CEACAM8: variants seen among roughly 807,000 people sequenced by gnomAD.
CEACAM8 encodes the protein CEA cell adhesion molecule 8.
CEACAM8 carries 31 observed loss-of-function variants against 33.4 expected under a neutral mutation model. That is an observed-to-expected ratio of 0.93 (90% CI 0.70 to 1.25). CEACAM8 has a LOEUF of 1.25. CEACAM8 is among the 50% of genes most tolerant of loss of function. The pLI, the probability that CEACAM8 is intolerant of heterozygous loss-of-function variation, is 0.00. For missense variants in CEACAM8, 388 were observed against 434.6 expected (o/e 0.89, Z 0.95); for synonymous variants, 138 against 164.5 (o/e 0.84, Z 1.23).
intron 2 of CEACAM8, among the ~76,000 whole-genome samples, chr19:42,592,427 ACT>A (rs45612446): frequency 0.057 from 8,574 of 151,660 alleles, 794 homozygotes; most frequent in African/African-American, 0.19. Context: ...ACATGGTAAA[ACT>A]CTGTCTCTAA....
chr19:42,583,094 A>G (rs1283035671), intron 5 of CEACAM8, 112 bp downstream of exon 5: 12 of 642,354 alleles, frequency 1.9e-5, no homozygotes, highest in Non-Finnish European at 3.1e-5. Context: ...TAGTGCTGAG[A>G]AGCAGGAGTT....
At chr19:42,591,666 G>A (rs943807273) in intron 2 of CEACAM8, among the ~76,000 whole-genome samples, 6 of 152,186 alleles carry the variant, frequency 3.9e-5, no homozygotes, top group African/African-American at 1.4e-4. Flanking sequence ...AGTGGCTCAT[G>A]CGTCTCCCCA....
intron 4 of CEACAM8, among the ~76,000 whole-genome samples, chr19:42,584,755 A>G (rs1261663514): frequency 6.6e-6 from 1 of 152,226 alleles, no homozygotes; most frequent in African/African-American, 2.4e-5. Context: ...AAGAAGAAAC[A>G]TCTCAAATCA....
At chr19:42,584,638 C>G (rs2042305296) in intron 4 of CEACAM8, among the ~76,000 whole-genome samples, 1 of 152,192 alleles carries the variant, frequency 6.6e-6, no homozygotes, top group African/African-American at 2.4e-5. Context: ...TAAAACAATG[C>G]TATGAAGCAA....
At chr19:42,583,396 C>T in intron 4 of CEACAM8, 59 bp from the exon 5 acceptor site, 1 of 1,102,792 alleles carries the variant, frequency 9.1e-7, no homozygotes, top group Non-Finnish European at 1.4e-6. Flanking sequence ...CAGTGGGGTA[C>T]CCCAGGAACC....
Position 42,588,765 on chromosome 19 carries a change from G to A in CEACAM8, c.958+19C>T, listed in dbSNP as rs765068616. 5.6e-6 allele frequency: 9 copies of A among 1,613,058 alleles called. No individual in the cohort carries two copies. The highest frequency in any genetic ancestry group is 1.3e-5 in the African/African-American group (1 of 74,880). On this transcript the variant is annotated intron_variant, in intron 4 of 5. Transcript: ENST00000244336. ...CTCTACCAGAAAACATACTGCCAGT[G>A]CTCCAGGGATCCACTTACCAGAGAC...
At chr19:42,582,661 C>T (rs1044570891) in intron 5 of CEACAM8, among the ~76,000 whole-genome samples, 8 of 151,834 alleles carry the variant, frequency 5.3e-5, no homozygotes, top group Non-Finnish European at 1.0e-4. Context: ...GGGGTAGATG[C>T]GCAGGGAAGT....
chr19:42,581,697 C>G (rs1391129836), intron 5 of CEACAM8, among the ~76,000 whole-genome samples: 1 of 151,162 alleles, frequency 6.6e-6, no homozygotes, highest in African/African-American at 2.4e-5. Flanking sequence ...CGAGACCAGC[C>G]TGACCAACAT....
chr19:42,594,899 G>A lies in CEACAM8; in HGVS notation c.-71C>T. ...ATCCAGAAACTTTCTGAGCACGGCT[G>A]TCAGCTGTGCTGTCCTTCCTCCTTT... On this transcript the variant is annotated 5_prime_UTR_variant, in exon 1 of 6. Transcript: ENST00000244336. The A allele has an allele frequency of 2.0e-6, 3 of 1,517,776 alleles. No homozygotes were observed. The highest frequency in any genetic ancestry group is 2.7e-6 in the Non-Finnish European group (3 of 1,115,868). 94.0% of individuals were successfully genotyped at this position (1,517,776 alleles called of 1,614,324 possible). A position where few individuals can be genotyped will look rare whatever the true frequency, so the allele number is the denominator to read the frequency against.
intron 2 of CEACAM8, among the ~76,000 whole-genome samples, chr19:42,592,089 T>A (rs1362880535): frequency 6.6e-6 from 1 of 152,126 alleles, no homozygotes; most frequent in Non-Finnish European, 1.5e-5. Context: ...TGCTCTCACT[T>A]CTCTGAGCTT....
chr19:42,588,187 C>T (rs2042368826), intron 4 of CEACAM8, among the ~76,000 whole-genome samples: 1 of 152,186 alleles, frequency 6.6e-6, no homozygotes. Context: ...TTGGCTTCAA[C>T]TGGCAACTTG....
In CEACAM8 at chr19:42,589,139, C is replaced by T. The variant is rs141924544; in HGVS notation, c.704-101G>A. The T allele has an allele frequency of 3.4e-6, 5 of 1,459,662 alleles. No homozygotes were observed. The Admixed American group carries it at 6.2e-5, about 18-fold the overall frequency. The allele number at this position is 1,459,662 out of a possible 1,614,324, so 90.4% of individuals were successfully genotyped here. A position where few individuals can be genotyped will look rare whatever the true frequency, so the allele number is the denominator to read the frequency against. Reference sequence around the variant, plus strand: ...GTGTCCCTCTGAGCCAAGTCACAAACCTGAGCCAAGTCCCAACCAACCCCA... The same window carrying T: ...GTGTCCCTCTGAGCCAAGTCACAAATCTGAGCCAAGTCCCAACCAACCCCA... On this transcript the variant is annotated intron_variant, in intron 3 of 5. Coordinates refer to ENST00000244336, the MANE Select transcript of CEACAM8 (RefSeq NM_001816.4).
chr19:42,586,492 C>T (rs530443525), intron 4 of CEACAM8, among the ~76,000 whole-genome samples: 44 of 152,308 alleles, frequency 2.9e-4, no homozygotes, highest in African/African-American at 1.0e-3. Flanking sequence ...GGGGAAAGTG[C>T]AGTCTTTTCA....
intron 4 of CEACAM8, among the ~76,000 whole-genome samples, chr19:42,587,097 G>A (rs576030365): frequency 1.3e-5 from 2 of 152,236 alleles, no homozygotes; most frequent in Admixed American, 6.5e-5. Flanking sequence ...CAAACAACAA[G>A]TGTTTTTAAG....
intron 2 of CEACAM8, among the ~76,000 whole-genome samples, chr19:42,591,563 C>T (rs1011531236): frequency 6.6e-6 from 1 of 152,184 alleles, no homozygotes; most frequent in Admixed American, 6.5e-5. Context: ...AACAGGTATG[C>T]GCAATGCTTT....
Position 42,592,563 on chromosome 19 carries a change from AC to A in CEACAM8, c.424+977del, listed in dbSNP as rs371371127. 8.4e-5 allele frequency among the ~76,000 whole-genome samples: 12 copies of A among 142,056 alleles called. No homozygotes were observed. In the South Asian group the frequency reaches 2.7e-3, roughly 32 times the overall value. The allele number at this position is 142,056 out of a possible 152,430, so 93.2% of individuals were successfully genotyped here. ...GGTTGCAGTGAGCTGAGATCGCACCACTGCACTCCAGCCTGGCCACAGAGAC... is the reference window on the plus strand; with the variant it reads ...GGTTGCAGTGAGCTGAGATCGCACCATGCACTCCAGCCTGGCCACAGAGAC... On this transcript the variant is annotated intron_variant, in intron 2 of 5. Coordinates refer to ENST00000244336, the MANE Select transcript of CEACAM8 (RefSeq NM_001816.4).
intron 2 of CEACAM8, among the ~76,000 whole-genome samples, 172 bp from the exon 3 acceptor site, chr19:42,589,907 A>G (rs1244157516): frequency 1.3e-5 from 2 of 152,218 alleles, no homozygotes; most frequent in Non-Finnish European, 2.9e-5. Flanking sequence ...CTCAGAGACC[A>G]TGAGGCCGCC....
At chr19:42,582,039 T>C (rs1488185886) in intron 5 of CEACAM8, among the ~76,000 whole-genome samples, 3 of 146,380 alleles carry the variant, frequency 2.0e-5, no homozygotes, top group Non-Finnish European at 3.0e-5. Flanking sequence ...CAGCAAAATA[T>C]AGGCTTGTAT....
rs142954473 is a variant in CEACAM8, at chr19:42,593,736, G to A, written c.229C>T (p.Arg77Cys). 77 of 1,614,004 alleles carry A rather than the reference G, an allele frequency of 4.8e-5. 1 individual carries two copies. In the East Asian group the frequency reaches 1.4e-3, roughly 28 times the overall value. The change falls in exon 2 of 6, where the codon CGT (arginine) becomes TGT (cysteine). Residue 77 changes from arginine to cysteine, a missense_variant. By Grantham distance (180) the Arg-to-Cys change is radical (BLOSUM62 -3). Transcript: ENST00000244336. The part of the protein sequence containing the change: ...WYKGETVDAN[R>C]RIIGYVISNQ... ...GATATTACATATCCTATAATTCGAC[G>A]GTTGGCATCCACTGTTTCCCCTTTG...
Sources: gnomAD v4.1 joint callset for allele counts (sites outside exome capture counted in the v4.1 genomes callset) on GRCh38, gnomAD v4.1.1 for gene constraint, MANE v1.5 for transcripts, NCBI Gene and HGNC (gene_info 2026-07-23, HGNC 2026-07-21) for gene names.